PPM1H: variants seen among roughly 807,000 people sequenced by gnomAD.
PPM1H encodes the protein protein phosphatase, Mg2+/Mn2+ dependent 1H, also known as protein phosphatase 1H.
PPM1H carries 27 observed loss-of-function variants against 54.9 expected under a neutral mutation model. That is an observed-to-expected ratio of 0.49 (90% CI 0.36 to 0.68). The LOEUF is 0.68. Among genes scored for constraint, PPM1H ranks in the 30% least tolerant of loss-of-function variants. The pLI is 0.00. For synonymous variants in PPM1H, 305 were observed against 270.8 expected (o/e 1.13, Z -1.24); for missense variants, 596 against 667.8 (o/e 0.89, Z 1.19).
At chr12:62,748,732 GGAAAT>G in intron 4 of PPM1H, among the ~76,000 whole-genome samples, 1 of 152,208 alleles carries the variant, frequency 6.6e-6, no homozygotes, top group African/African-American at 2.4e-5. Context: ...TGGCTTTGGA[GGAAAT>G]TCACATATAT....
Position 62,648,508 on chromosome 12 carries a change from T to A in PPM1H, c.1526A>T (p.His509Leu). The A allele has an allele frequency of 6.2e-7, 1 of 1,614,020 alleles. No homozygotes were observed. Among genetic ancestry groups the A allele is most frequent in the Non-Finnish European group, 8.5e-7 (1 of 1,179,890 alleles). Residue 509 changes from histidine to leucine, a missense_variant, in exon 10 of 10, where the codon CAT (histidine) becomes CTT (leucine). Physicochemically the swap from His to Leu is moderately conservative, Grantham distance 99 (BLOSUM62 -3). Coordinates refer to ENST00000228705, the MANE Select transcript of PPM1H (RefSeq NM_020700.2). Reference protein sequence around the residue: ...DISVYVIPLIHGNKLS With the variant: ...DISVYVIPLILGNKLS ...CCATTTTCATGACAGCTTGTTTCCA[T>A]GTATTAAAGGAATGACATATACAGA...
chr12:62,757,535 T>C (rs2076483603), intron 4 of PPM1H, among the ~76,000 whole-genome samples: 1 of 152,190 alleles, frequency 6.6e-6, no homozygotes, highest in Admixed American at 6.5e-5. Context: ...ATAAAATCAA[T>C]GAAGAGATAA....
chr12:62,877,156 G>A (rs954250823), intron 1 of PPM1H, among the ~76,000 whole-genome samples: 15 of 152,174 alleles, frequency 9.9e-5, no homozygotes, highest in African/African-American at 3.6e-4. Context: ...CACTCTGGAG[G>A]CGTATTCTTG....
At chr12:62,825,198 C>T (rs180703445) in intron 2 of PPM1H, among the ~76,000 whole-genome samples, 1 of 152,302 alleles carries the variant, frequency 6.6e-6, no homozygotes, top group East Asian at 1.9e-4. Flanking sequence ...GATACCATCT[C>T]ACACCAGTTA....
At chr12:62,838,848 G>A (rs1868605065) in intron 1 of PPM1H, among the ~76,000 whole-genome samples, 1 of 105,984 alleles carries the variant, frequency 9.4e-6, no homozygotes, top group Admixed American at 8.8e-5. Context: ...GTGAACCCGG[G>A]AGGCGGAGCT....
intron 2 of PPM1H, among the ~76,000 whole-genome samples, chr12:62,824,926 T>C (rs565234204): frequency 2.0e-5 from 3 of 152,140 alleles, no homozygotes; most frequent in South Asian, 2.1e-4. Flanking sequence ...TGAAGAGCTT[T>C]TGCACAGCAA....
intron 8 of PPM1H, among the ~76,000 whole-genome samples, chr12:62,677,548 C>T (rs994407351): frequency 3.9e-5 from 6 of 152,172 alleles, no homozygotes; most frequent in Admixed American, 1.3e-4. Flanking sequence ...CTGGTTCAGC[C>T]GTGCTGGGGT....
chr12:62,674,748 C>T (rs1396886507), intron 8 of PPM1H, among the ~76,000 whole-genome samples: 1 of 152,238 alleles, frequency 6.6e-6, no homozygotes, highest in African/African-American at 2.4e-5. Flanking sequence ...AGCTGGACAT[C>T]GTATGCCTTA....
chr12:62,687,080 T>C (rs1022043126), intron 8 of PPM1H, among the ~76,000 whole-genome samples: 1 of 152,178 alleles, frequency 6.6e-6, no homozygotes. Context: ...AGTGAGAAAC[T>C]GGGCTGATTG....
At chr12:62,886,232 C>T (rs1870584050) in intron 1 of PPM1H, among the ~76,000 whole-genome samples, 1 of 152,168 alleles carries the variant, frequency 6.6e-6, no homozygotes, top group African/African-American at 2.4e-5. Context: ...AGTAAGCAAG[C>T]ATCACATCAG....
Position 62,788,258 on chromosome 12 carries a change from C to T in PPM1H, c.837G>A (p.Gly279=). Residue 279 remains glycine, a synonymous_variant, in exon 4 of 10, where the codon GGG becomes GGA. Transcript: ENST00000228705. ...CTALIVICLL[G]KLYVANAGDS... is the part of the protein sequence containing the mutation. Reference sequence around the variant, plus strand: ...CCCCAGCATTTGCAACATACAGCTTCCCCAAAAGGCAAATCACAATGAGGG... The same window carrying T: ...CCCCAGCATTTGCAACATACAGCTTTCCCAAAAGGCAAATCACAATGAGGG... The T allele has an allele frequency of 2.5e-6, 4 of 1,599,270 alleles. No individual in the cohort carries two copies. Among genetic ancestry groups the T allele is most frequent in the Non-Finnish European group, 3.4e-6 (4 of 1,172,380 alleles).
chr12:62,884,972 A>T (rs1375728684), intron 1 of PPM1H, among the ~76,000 whole-genome samples: 1 of 152,222 alleles, frequency 6.6e-6, no homozygotes, highest in East Asian at 1.9e-4. Context: ...TCTGGGAAGA[A>T]AAAGAGGTTT....
At chr12:62,717,200 T>G (rs1206106640) in intron 6 of PPM1H, among the ~76,000 whole-genome samples, 2 of 152,196 alleles carry the variant, frequency 1.3e-5, no homozygotes, top group Non-Finnish European at 2.9e-5. Flanking sequence ...TTCTTCAACT[T>G]AAGTCCTATT....
At chr12:62,805,267 T>C (rs926796022) in intron 2 of PPM1H, among the ~76,000 whole-genome samples, 1 of 152,186 alleles carries the variant, frequency 6.6e-6, no homozygotes, top group Non-Finnish European at 1.5e-5. Flanking sequence ...AGTGGGAATG[T>C]AAATTGGTAC....
At chr12:62,744,263 G>T (rs1306599912) in intron 4 of PPM1H, among the ~76,000 whole-genome samples, 1 of 151,790 alleles carries the variant, frequency 6.6e-6, no homozygotes, top group Non-Finnish European at 1.5e-5. Flanking sequence ...TTGAGGTCAG[G>T]AGTTCAAGAC....
chr12:62,930,515 T>C (rs147610223), intron 1 of PPM1H, among the ~76,000 whole-genome samples: 17 of 152,360 alleles, frequency 1.1e-4, no homozygotes, highest in African/African-American at 3.8e-4. Flanking sequence ...CCTACGTCTG[T>C]AGTTTCAGGC....
At chr12:62,694,596 C>A (rs1202914957) in intron 6 of PPM1H, among the ~76,000 whole-genome samples, 1 of 152,202 alleles carries the variant, frequency 6.6e-6, no homozygotes, top group Non-Finnish European at 1.5e-5. Context: ...TTCTCCAGTG[C>A]CACAGCCTGC....
At chr12:62,734,798 T>C (rs2120516580) in intron 5 of PPM1H, among the ~76,000 whole-genome samples, 1 of 152,264 alleles carries the variant, frequency 6.6e-6, no homozygotes, top group South Asian at 2.1e-4. Flanking sequence ...CCCCCAGCAA[T>C]TTGGGAGGCT....
At chr12:62,914,122 T>A (rs1328503785) in intron 1 of PPM1H, among the ~76,000 whole-genome samples, 1 of 152,180 alleles carries the variant, frequency 6.6e-6, no homozygotes, top group Admixed American at 6.5e-5. Context: ...GGTGTTTGGG[T>A]CACGGAGTCA....
Sources: allele counts gnomAD v4.1 joint callset (sites outside exome capture counted in the v4.1 genomes callset), GRCh38; gene constraint gnomAD v4.1.1; transcripts MANE v1.5; gene names NCBI Gene and HGNC (gene_info 2026-07-23, HGNC 2026-07-21).